Variants in NEK10 observed in about 807,000 individuals in gnomAD.
The protein encoded by NEK10 is serine/threonine-protein kinase Nek10.
In NEK10, 122 loss-of-function variants were observed where a neutral mutation model predicts 159.8. The ratio of observed to expected loss-of-function variants is 0.76; its 90% confidence interval spans 0.66 to 0.89. The LOEUF (loss-of-function observed/expected upper bound fraction) is 0.89. Ranked by LOEUF, NEK10 falls within the 40% of genes least tolerant of loss-of-function variation. NEK10 has a pLI of 0.00. For synonymous variants in NEK10, 466 were observed against 457.1 expected (o/e 1.02, Z -0.25); for missense variants, 1,342 against 1,323.1 (o/e 1.01, Z -0.22).
chr3:27,120,910 CAG>C (rs529781175), intron 32 of NEK10, among the ~76,000 whole-genome samples: 129 of 152,094 alleles, frequency 8.5e-4, no homozygotes, highest in African/African-American at 2.5e-3. Context: ...AATAATAAGT[CAG>C]AAAAAATGGC....
chr3:27,203,383 GTTCACTGCT>G (rs1361317164), intron 23 of NEK10, among the ~76,000 whole-genome samples: 5 of 152,272 alleles, frequency 3.3e-5, no homozygotes, highest in African/African-American at 1.2e-4. Context: ...TATCTACCAT[GTTCACTGCT>G]TCTGAAATTG....
intron 12 of NEK10, 25 bp from the exon 13 acceptor site, chr3:27,301,860 G>A: frequency 2.0e-6 from 3 of 1,535,308 alleles, no homozygotes; most frequent in African/African-American, 1.4e-5. Flanking sequence ...TTAATGCATA[G>A]ACCATTTATC....
chr3:27,320,437 T>G (rs115046721), intron 6 of NEK10, among the ~76,000 whole-genome samples: 7,961 of 152,316 alleles, frequency 0.052, 399 homozygotes, highest in African/African-American at 0.13. Flanking sequence ...TATAATGTTT[T>G]CATCTAAACT....
intron 8 of NEK10, chr3:27,311,546 A>G (rs2044699837): frequency 6.3e-6 from 1 of 158,776 alleles, no homozygotes; most frequent in Non-Finnish European, 1.4e-5. Context: ...AAGAAAACGG[A>G]CAGGCATCCC....
At chr3:27,159,064 C>T (rs142527592) in intron 30 of NEK10, among the ~76,000 whole-genome samples, 7 of 152,194 alleles carry the variant, frequency 4.6e-5, no homozygotes, top group African/African-American at 1.2e-4. Context: ...ACTGGGGACA[C>T]CTACACAGCC....
chr3:27,164,436 T>A (rs1463171364), intron 29 of NEK10, among the ~76,000 whole-genome samples: 1 of 152,226 alleles, frequency 6.6e-6, no homozygotes, highest in African/African-American at 2.4e-5. Context: ...AATTTTAAGT[T>A]TTCTGGTAGC....
chr3:27,141,613 G>A, intron 30 of NEK10, 31 bp from the exon 31 acceptor site: 1 of 1,539,254 alleles, frequency 6.5e-7, no homozygotes, highest in Non-Finnish European at 8.9e-7. Flanking sequence ...AGTTAGTCAA[G>A]TTCTCTTTCA....
chr3:27,155,163 TG>T (rs1195837678), intron 30 of NEK10, among the ~76,000 whole-genome samples: 1 of 152,128 alleles, frequency 6.6e-6, no homozygotes, highest in African/African-American at 2.4e-5. Context: ...AGCAACCAAG[TG>T]GAGAATCCAA....
At position 27,111,179 on chromosome 3, in the gene NEK10, C is replaced by G. The variant is rs1939481369; in HGVS notation, c.*93G>C. ...TCTTGGTCTTTTCCACACCCTCTAG[C>G]AGCACCCAATCCTTGGGCATCTTGC... On this transcript the variant is annotated 3_prime_UTR_variant, in exon 36 of 36. Transcript: ENST00000691995. 1 of 1,227,346 alleles carries G rather than the reference C, an allele frequency of 8.1e-7. No homozygotes were observed. Among genetic ancestry groups the G allele is most frequent in the Admixed American group, 1.8e-5 (1 of 56,360 alleles). The allele number at this position is 1,227,346 out of a possible 1,614,324, so 76.0% of individuals were successfully genotyped here.
rs367853712 is a variant in NEK10, at chr3:27,346,146, C to T, written c.203G>A (p.Gly68Glu). 8.7e-6 allele frequency: 14 copies of T among 1,613,594 alleles called. No individual in the cohort carries two copies. Among genetic ancestry groups the T allele is most frequent in the African/African-American group, 4.0e-5 (3 of 74,916 alleles). Residue 68 changes from glycine (G) to glutamate (E), a missense_variant, in exon 4 of 36, where the codon GGA becomes GAA. Gly to Glu is a moderately conservative substitution (Grantham distance 98). Coordinates refer to ENST00000691995, the MANE Select transcript of NEK10 (RefSeq NM_001394966.1). Reference sequence around the variant, plus strand: ...ATGCCACTGACCCCGAGCTCTGTGTCCACCCGCCCTGATGGCGGGCTCAGA... The same window carrying T: ...ATGCCACTGACCCCGAGCTCTGTGTTCACCCGCCCTGATGGCGGGCTCAGA... ...TKSEPAIRAG[G>E]HRARGQWHES...
chr3:27,261,359 T>C (rs1207901344), intron 22 of NEK10, among the ~76,000 whole-genome samples: 1 of 152,244 alleles, frequency 6.6e-6, no homozygotes, highest in Non-Finnish European at 1.5e-5. Flanking sequence ...TGTTGGCATT[T>C]AGTGCTATAA....
At position 27,310,969 on chromosome 3, in the gene NEK10, T is replaced by C. The variant is rs778283381; in HGVS notation, c.616A>G (p.Thr206Ala). The C allele has an allele frequency of 1.2e-6, 2 of 1,611,432 alleles. No homozygotes were observed. The highest frequency in any genetic ancestry group is 1.7e-6 in the Non-Finnish European group (2 of 1,177,686). Reference sequence around the variant, plus strand: ...CTCACCTTGTGGGCTCCACTTGTGGTGACCCATTCTCTTTGATCTTTGACT... The same window carrying C: ...CTCACCTTGTGGGCTCCACTTGTGGCGACCCATTCTCTTTGATCTTTGACT... ...AAVKDQREWVTTSGAHKTLVN... is the reference protein window; with the variant it reads ...AAVKDQREWVATSGAHKTLVN... Residue 206 changes from threonine to alanine, a missense_variant, in exon 9 of 36, where the codon ACC becomes GCC. Coordinates refer to ENST00000691995, the MANE Select transcript of NEK10 (RefSeq NM_001394966.1).
intron 14 of NEK10, among the ~76,000 whole-genome samples, chr3:27,296,080 C>T (rs968957126): frequency 6.6e-6 from 1 of 151,862 alleles, no homozygotes; most frequent in African/African-American, 2.4e-5. Flanking sequence ...AATTATATTC[C>T]AGTTATTAAT....
Position 27,365,598 on chromosome 3 carries a change from T to G in NEK10, c.-38+3627A>C, listed in dbSNP as rs369293231. Among the ~76,000 whole-genome samples, 354 of 93,872 alleles carry G rather than the reference T, an allele frequency of 3.8e-3. 4 individuals carry two copies. The highest frequency in any genetic ancestry group is 7.2e-3 in the South Asian group (21 of 2,922). The allele number at this position is 93,872 out of a possible 152,430, so 61.6% of individuals were successfully genotyped here. On this transcript the variant is annotated intron_variant, in intron 1 of 35. Transcript: ENST00000691995. ...TGTTTTTTTGTTTTGGTTTTTTGTGTTTTTTTTTTGTGTTTTTTTTTTTTT... is the reference window on the plus strand; with the variant it reads ...TGTTTTTTTGTTTTGGTTTTTTGTGGTTTTTTTTTGTGTTTTTTTTTTTTT...
At position 27,202,485 on chromosome 3, in the gene NEK10, C is replaced by G. The variant is rs1950139856; in HGVS notation, c.2163G>C (p.Gln721His). Residue 721 changes from glutamine to histidine, a missense_variant, in exon 24 of 36, where the codon CAG (glutamine) becomes CAC (histidine). Coordinates refer to ENST00000691995, the MANE Select transcript of NEK10 (RefSeq NM_001394966.1). ...DVWAVGCILY[Q>H]MATLSPPFYS... ...AGAAGGGGGGACTCAAAGTCGCCAT[C>G]TGATAAAGGATGCAGCCTACTGCCC... is the stretch of plus-strand genomic sequence containing the variant. 1.2e-6 allele frequency: 2 copies of G among 1,613,506 alleles called. No individual in the cohort carries two copies. The highest frequency in any genetic ancestry group is 1.7e-6 in the Non-Finnish European group (2 of 1,179,738).
chr3:27,273,709 GGA>G (rs2041552473), intron 22 of NEK10, among the ~76,000 whole-genome samples: 1 of 152,128 alleles, frequency 6.6e-6, no homozygotes, highest in Non-Finnish European at 1.5e-5. Flanking sequence ...CAATGACAGA[GGA>G]GTCTACTTGA....
intron 22 of NEK10, among the ~76,000 whole-genome samples, chr3:27,280,747 C>T (rs1258015485): frequency 6.6e-6 from 1 of 152,104 alleles, no homozygotes; most frequent in Admixed American, 6.5e-5. Flanking sequence ...TTCATGCCTT[C>T]CTCAAAATTA....
At chr3:27,112,424 A>C (rs1343644105) in intron 35 of NEK10, among the ~76,000 whole-genome samples, 15 of 152,248 alleles carry the variant, frequency 9.9e-5, no homozygotes, top group African/African-American at 1.4e-4. Flanking sequence ...GAAATTATAT[A>C]TGTAACTTTC....
intron 5 of NEK10, among the ~76,000 whole-genome samples, chr3:27,339,318 C>T (rs776282532): frequency 6.6e-6 from 1 of 152,096 alleles, no homozygotes; most frequent in Non-Finnish European, 1.5e-5. Context: ...GGTCTAATAT[C>T]CAGAATCTAC....
Sources: gnomAD v4.1 joint callset for allele counts (sites outside exome capture counted in the v4.1 genomes callset) on GRCh38, gnomAD v4.1.1 for gene constraint, MANE v1.5 for transcripts, NCBI Gene and HGNC (gene_info 2026-07-23, HGNC 2026-07-21) for gene names.